Variants in FAM216A observed in about 807,000 individuals in gnomAD.
FAM216A encodes family with sequence similarity 216 member A, also known as protein FAM216A.
FAM216A carries 26 observed loss-of-function variants against 37.6 expected under a neutral mutation model. That is an observed-to-expected ratio of 0.69 (90% CI 0.51 to 0.96). The LOEUF is 0.96. Ranked by LOEUF, FAM216A falls within the 40% of genes least tolerant of loss-of-function variation. The pLI is 0.00. For synonymous variants in FAM216A, 110 were observed against 121.7 expected, an observed-to-expected ratio of 0.90 and a Z score of 0.64; for missense variants, 326 against 339.3, an observed-to-expected ratio of 0.96 and a Z score of 0.31.
chr12:110,474,276 TAAAG>T (rs1157514926), intron 2 of FAM216A, among the ~76,000 whole-genome samples: 2 of 151,914 alleles, frequency 1.3e-5, no homozygotes, highest in Non-Finnish European at 2.9e-5. Context: ...TGGAGGGAAA[TAAAG>T]AAATATTAAC....
intron 1 of FAM216A, among the ~76,000 whole-genome samples, chr12:110,472,205 TGGGCAACAGAGCAA>T (rs1184875908): frequency 6.7e-6 from 1 of 149,952 alleles, no homozygotes; most frequent in Non-Finnish European, 1.5e-5. Context: ...CACTCCAGCC[TGGGCAACAGAGCAA>T]GACTCTACCT....
At chr12:110,478,995 T>C (rs866684701) in intron 2 of FAM216A, among the ~76,000 whole-genome samples, 1 of 151,928 alleles carries the variant, frequency 6.6e-6, no homozygotes, top group African/African-American at 2.4e-5. Flanking sequence ...GAGACCATCC[T>C]GGCTAACACG....
intron 2 of FAM216A, among the ~76,000 whole-genome samples, chr12:110,476,588 A>G (rs528069660): frequency 1.3e-5 from 2 of 151,822 alleles, no homozygotes; most frequent in Admixed American, 6.6e-5. Context: ...GTGTTGTTGC[A>G]CAATCTTGGC....
chr12:110,482,812 T>G (rs1194217457), intron 2 of FAM216A, among the ~76,000 whole-genome samples: 1 of 149,806 alleles, frequency 6.7e-6, no homozygotes, highest in Admixed American at 6.7e-5. Flanking sequence ...AAAAAAAAGA[T>G]AACCCAATGA....
At chr12:110,489,635 A>G (rs2062799896) in intron 6 of FAM216A, among the ~76,000 whole-genome samples, 1 of 152,146 alleles carries the variant, frequency 6.6e-6, no homozygotes, top group Non-Finnish European at 1.5e-5. Flanking sequence ...TCAGGTTCCA[A>G]AAGGTACAGT....
chr12:110,483,838 CA>C (rs142530957), intron 2 of FAM216A, among the ~76,000 whole-genome samples: 1 of 151,818 alleles, frequency 6.6e-6, no homozygotes, highest in Non-Finnish European at 1.5e-5. Flanking sequence ...AAATCAACAA[CA>C]AAAAATGAAA....
chr12:110,475,328 G>A (rs1371277390), intron 2 of FAM216A, among the ~76,000 whole-genome samples: 2 of 151,890 alleles, frequency 1.3e-5, no homozygotes, highest in African/African-American at 2.4e-5. Flanking sequence ...TGCAACCTCG[G>A]TCTCCCAGGT....
upstream of FAM216A, chr12:110,468,588 G>T: frequency 2.0e-6 from 3 of 1,537,254 alleles, no homozygotes; most frequent in Non-Finnish European, 2.6e-6. Context: ...CAAATGTGCT[G>T]AGGATCTGGA....
chr12:110,480,852 C>A (rs572084380), intron 2 of FAM216A, among the ~76,000 whole-genome samples: 2 of 152,090 alleles, frequency 1.3e-5, no homozygotes, highest in Admixed American at 1.3e-4. Flanking sequence ...GCCTGGGCAA[C>A]ATAAAATTAA....
rs567864240 is a variant in FAM216A at position 110,479,356 on chromosome 12, T to C, written c.185-5722T>C. Among the ~76,000 whole-genome samples the C allele has an allele frequency of 3.3e-5, 5 of 152,188 alleles. 1 individual carries two copies. In the South Asian group the frequency reaches 1.0e-3, roughly 32 times the overall value. On this transcript the variant is annotated intron_variant, in intron 2 of 6. Coordinates refer to ENST00000377673, the MANE Select transcript of FAM216A (RefSeq NM_013300.3). ...CCATACATATCTATTTCAATATTTCTACTAACTCCAAATTCCAATCCAACA... is the reference window on the plus strand; with the variant it reads ...CCATACATATCTATTTCAATATTTCCACTAACTCCAAATTCCAATCCAACA...
At chr12:110,484,895 T>G (rs2062768200) in intron 2 of FAM216A, among the ~76,000 whole-genome samples, 183 bp from the exon 3 acceptor site, 1 of 152,042 alleles carries the variant, frequency 6.6e-6, no homozygotes, top group African/African-American at 2.4e-5. Context: ...AGAGACAGGG[T>G]TTCACCGTGT....
intron 2 of FAM216A, among the ~76,000 whole-genome samples, chr12:110,476,819 G>A (rs535708223): frequency 7.9e-5 from 12 of 152,132 alleles, no homozygotes; most frequent in South Asian, 2.1e-4. Context: ...GAGCCACCGC[G>A]CCCGGCCGAC....
intron 2 of FAM216A, among the ~76,000 whole-genome samples, chr12:110,482,131 G>T (rs955621962): frequency 1.3e-5 from 2 of 151,862 alleles, no homozygotes; most frequent in African/African-American, 4.8e-5. Flanking sequence ...ACCCAGGCTG[G>T]AGTGCAGTGT....
chr12:110,477,041 A>G (rs1412960717), intron 2 of FAM216A, among the ~76,000 whole-genome samples: 1 of 152,148 alleles, frequency 6.6e-6, no homozygotes, highest in Non-Finnish European at 1.5e-5. Flanking sequence ...CTTTTGTAGA[A>G]TTTCCCTAAA....
At chr12:110,479,544 AAG>A (rs1592978892) in intron 2 of FAM216A, among the ~76,000 whole-genome samples, 1 of 151,744 alleles carries the variant, frequency 6.6e-6, no homozygotes, top group African/African-American at 2.4e-5. Flanking sequence ...AAAAAAAAAA[AAG>A]AAGCCTAGTA....
chr12:110,469,950 T>C (rs2062673081), intron 1 of FAM216A, among the ~76,000 whole-genome samples: 1 of 152,174 alleles, frequency 6.6e-6, no homozygotes, highest in East Asian at 1.9e-4. Context: ...ATTTCCTAGA[T>C]AGTGAAGACA....
chr12:110,485,772 T>A (rs1265032950), intron 3 of FAM216A, among the ~76,000 whole-genome samples: 1 of 152,156 alleles, frequency 6.6e-6, no homozygotes, highest in African/African-American at 2.4e-5. Flanking sequence ...GTAAAGTAAA[T>A]CTTGTATATA....
In FAM216A at chr12:110,468,871, G is replaced by A. The variant is rs1319232599; in HGVS notation, c.-5G>A. ...GCCTGACGCACGCGTGCTGTCGGGG[G>A]AGGGATGCTGGGACAGCTGCTCCCG... On this transcript the variant is annotated 5_prime_UTR_variant, in exon 1 of 7. Transcript: ENST00000377673. The A allele has an allele frequency of 6.7e-7, 1 of 1,503,350 alleles. No homozygotes were observed. Among genetic ancestry groups the A allele is most frequent in the Admixed American group, 2.2e-5 (1 of 45,892 alleles). The allele number at this position is 1,503,350 out of a possible 1,614,324, so 93.1% of individuals were successfully genotyped here. A position where few individuals can be genotyped will look rare whatever the true frequency, so the allele number is the denominator to read the frequency against.
intron 2 of FAM216A, among the ~76,000 whole-genome samples, chr12:110,484,257 C>T (rs2062763523): frequency 6.6e-6 from 1 of 151,682 alleles, no homozygotes; most frequent in African/African-American, 2.4e-5. Context: ...GAAACCCCAT[C>T]TCTACTAAAA....
Sources: allele counts gnomAD v4.1 joint callset (sites outside exome capture counted in the v4.1 genomes callset), GRCh38; gene constraint gnomAD v4.1.1; transcripts MANE v1.5; gene names NCBI Gene and HGNC (gene_info 2026-07-23, HGNC 2026-07-21).